Variants in MEIS1 observed in about 807,000 individuals in gnomAD.
MEIS1 encodes homeobox protein Meis1.
MEIS1 carries 5 observed loss-of-function variants against 50.8 expected under a neutral mutation model. The ratio of observed to expected loss-of-function variants is 0.10; its 90% CI spans 0.05 to 0.21. MEIS1 has a LOEUF of 0.21. MEIS1 is among the 10% of genes least tolerant of loss of function. The probability of loss-of-function intolerance (pLI) is 1.00; values close to 1 mark genes in which losing one functional copy is unlikely to be tolerated. For missense variants in MEIS1, 318 were observed against 517.3 expected, an observed-to-expected ratio of 0.61 and a Z score of 3.74; for synonymous variants, 176 against 179.3, an observed-to-expected ratio of 0.98 and a Z score of 0.15.
intron 7 of MEIS1, among the ~76,000 whole-genome samples, chr2:66,492,953 C>T (rs182453006): frequency 6.6e-6 from 1 of 152,324 alleles, no homozygotes; most frequent in Admixed American, 6.5e-5. Flanking sequence ...CATGCCCACA[C>T]AGGTAGACCT....
chr2:66,446,484 G>C (rs1184946773), intron 6 of MEIS1, among the ~76,000 whole-genome samples: 4 of 152,134 alleles, frequency 2.6e-5, no homozygotes, highest in African/African-American at 9.6e-5. Flanking sequence ...GATTAGCTAG[G>C]TCTGTGCTCG....
chr2:66,529,586 G>A (rs1186478480), intron 8 of MEIS1, among the ~76,000 whole-genome samples: 1 of 152,142 alleles, frequency 6.6e-6, no homozygotes, highest in Non-Finnish European at 1.5e-5. Flanking sequence ...GTAGGCACAT[G>A]CCACCACACT....
At chr2:66,547,068 A>T (rs1674810018) in intron 8 of MEIS1, among the ~76,000 whole-genome samples, 1 of 152,156 alleles carries the variant, frequency 6.6e-6, no homozygotes, top group Admixed American at 6.6e-5. Flanking sequence ...CAAGCAAGCT[A>T]ATGTCTCTAT....
chr2:66,449,772 C>G (rs905985126), intron 6 of MEIS1, among the ~76,000 whole-genome samples: 1 of 152,170 alleles, frequency 6.6e-6, no homozygotes, highest in African/African-American at 2.4e-5. Context: ...AACACTCTTG[C>G]TAAATAGCAT....
intron 8 of MEIS1, among the ~76,000 whole-genome samples, chr2:66,536,208 G>A (rs1674514061): frequency 6.6e-6 from 1 of 152,100 alleles, no homozygotes; most frequent in Non-Finnish European, 1.5e-5. Flanking sequence ...TAGTCAGAGA[G>A]GATTTCTGTG....
intron 7 of MEIS1, chr2:66,509,043 A>G (rs1340579462): frequency 2.1e-6 from 1 of 471,574 alleles, no homozygotes; most frequent in Non-Finnish European, 4.4e-6. Context: ...AGTGATCTCA[A>G]AAGTAAAAAA....
At chr2:66,546,880 G>C (rs1442899864) in intron 8 of MEIS1, among the ~76,000 whole-genome samples, 1 of 152,104 alleles carries the variant, frequency 6.6e-6, no homozygotes, top group Non-Finnish European at 1.5e-5. Context: ...CATCTAATCA[G>C]ACATTATTAA....
intron 6 of MEIS1, among the ~76,000 whole-genome samples, chr2:66,446,097 G>A (rs1015821018): frequency 1.3e-5 from 2 of 152,108 alleles, no homozygotes; most frequent in Non-Finnish European, 2.9e-5. Flanking sequence ...CGAGGTCCCG[G>A]CTGCGACCCC....
At chr2:66,554,584 C>T (rs975107372) in intron 9 of MEIS1, among the ~76,000 whole-genome samples, 2 of 152,170 alleles carry the variant, frequency 1.3e-5, no homozygotes, top group African/African-American at 4.8e-5. Context: ...CATTTCATCC[C>T]TCATCCCTAC....
At chr2:66,501,949 C>T (rs1673567334) in intron 7 of MEIS1, among the ~76,000 whole-genome samples, 2 of 151,558 alleles carry the variant, frequency 1.3e-5, no homozygotes, top group Non-Finnish European at 2.9e-5. Context: ...CCATGTTTTT[C>T]ACCCAGTTAT....
chr2:66,482,463 C>G (rs772047223), intron 7 of MEIS1, among the ~76,000 whole-genome samples: 1 of 152,098 alleles, frequency 6.6e-6, no homozygotes, highest in East Asian at 1.9e-4. Context: ...TAAGAAGTAA[C>G]CTAGTAACTG....
At chr2:66,450,686 T>G (rs1017099372) in intron 6 of MEIS1, among the ~76,000 whole-genome samples, 15 of 152,088 alleles carry the variant, frequency 9.9e-5, no homozygotes, top group Admixed American at 1.3e-4. Context: ...GTAAATAAGA[T>G]TTTTGAGTGA....
At chr2:66,445,453 G>A (rs957319296) in intron 6 of MEIS1, among the ~76,000 whole-genome samples, 1 of 152,232 alleles carries the variant, frequency 6.6e-6, no homozygotes, top group African/African-American at 2.4e-5. Flanking sequence ...CTGCTGGCCT[G>A]TCCCTCCGGG....
intron 8 of MEIS1, among the ~76,000 whole-genome samples, chr2:66,526,195 G>A (rs187584375): frequency 6.6e-6 from 1 of 152,324 alleles, no homozygotes; most frequent in East Asian, 1.9e-4. Context: ...ATTATAAGTA[G>A]TGCATACCTA....
At chr2:66,530,651 G>C (rs1674369220) in intron 8 of MEIS1, among the ~76,000 whole-genome samples, 1 of 151,662 alleles carries the variant, frequency 6.6e-6, no homozygotes, top group Non-Finnish European at 1.5e-5. Context: ...GGGAGGCGGA[G>C]CTTGCAGTGA....
intron 7 of MEIS1, among the ~76,000 whole-genome samples, chr2:66,511,542 A>G (rs537165767): frequency 3.2e-4 from 48 of 152,344 alleles, no homozygotes; most frequent in South Asian, 2.1e-3. Context: ...TTTAATTAAG[A>G]AACTATGTCA....
Position 66,520,438 on chromosome 2 carries a change from G to A in MEIS1, c.888+8144G>A, listed in dbSNP as rs567802612. On this transcript the variant is annotated intron_variant, in intron 8 of 12. Coordinates refer to ENST00000272369, the MANE Select transcript of MEIS1 (RefSeq NM_002398.3). ...GGAGCTTGCAGTGAGCCAAGATTGG[G>A]CTACTGCACTCCAGCCTGGGTGACA... is the stretch of plus-strand genomic sequence containing the variant. Among the ~76,000 whole-genome samples the A allele has an allele frequency of 1.5e-3, 233 of 151,518 alleles. 1 individual carries two copies. The highest frequency in any genetic ancestry group is 1.9e-3 in the Non-Finnish European group (127 of 67,876).
At chr2:66,457,602 G>C (rs749562745) in intron 6 of MEIS1, among the ~76,000 whole-genome samples, 14 of 152,218 alleles carry the variant, frequency 9.2e-5, no homozygotes, top group Middle Eastern at 3.4e-3. Flanking sequence ...AATGATATTT[G>C]CTGAAGTCAT....
At chr2:66,438,844 T>A (rs1273496417) in intron 2 of MEIS1, among the ~76,000 whole-genome samples, 1 of 151,986 alleles carries the variant, frequency 6.6e-6, no homozygotes, top group African/African-American at 2.4e-5. Context: ...AAAAAAAATA[T>A]ATATAATCTT....
Sources: allele counts gnomAD v4.1 joint callset (sites outside exome capture counted in the v4.1 genomes callset), GRCh38; gene constraint gnomAD v4.1.1; transcripts MANE v1.5; gene names NCBI Gene and HGNC (gene_info 2026-07-23, HGNC 2026-07-21).